NAALADL2: variants seen among roughly 807,000 people sequenced by gnomAD.
NAALADL2 encodes inactive N-acetylated-alpha-linked acidic dipeptidase-like protein 2.
A neutral mutation model predicts 87.2 loss-of-function variants in NAALADL2; 76 were observed. That is an observed-to-expected ratio of 0.87 (90% CI 0.72 to 1.05). The LOEUF is 1.05. NAALADL2 is among the 50% of genes least tolerant of loss of function. The pLI is 0.00. For synonymous variants in NAALADL2, 354 were observed against 331.0 expected (o/e 1.07, Z -0.75); for missense variants, 1,089 against 945.8 (o/e 1.15, Z -1.99).
chr3:175,282,911 C>CTTT (rs77457477), intron 4 of NAALADL2, among the ~76,000 whole-genome samples: 16 of 137,220 alleles, frequency 1.2e-4, no homozygotes, highest in African/African-American at 4.2e-4. Context: ...TTTCTGTCTT[C>CTTT]TTTTTTTTTT....
At chr3:174,890,666 T>C (rs1730755654) in intron 1 of NAALADL2, among the ~76,000 whole-genome samples, 1 of 152,148 alleles carries the variant, frequency 6.6e-6, no homozygotes, top group Admixed American at 6.5e-5. Context: ...CTAAGAAAAG[T>C]CCAAAAACAA....
At chr3:174,786,453 A>AG (rs1375264822) in intron 3 of NAALADL2, among the ~76,000 whole-genome samples, 32 of 83,378 alleles carry the variant, frequency 3.8e-4, no homozygotes, top group African/African-American at 1.6e-3. Context: ...CTGTCTCAAA[A>AG]AAAAAAAAAA....
At chr3:174,806,403 G>C (rs1719498677) in intron 3 of NAALADL2, among the ~76,000 whole-genome samples, 1 of 152,134 alleles carries the variant, frequency 6.6e-6, no homozygotes, top group South Asian at 2.1e-4. Flanking sequence ...AATGGATGTG[G>C]GAGACCCAAG....
chr3:175,705,470 C>A (rs1037136103), intron 11 of NAALADL2, among the ~76,000 whole-genome samples: 1 of 150,500 alleles, frequency 6.6e-6, no homozygotes, highest in East Asian at 2.0e-4. Context: ...AATTACCTCA[C>A]AAACAAGTAT....
chr3:175,349,775 T>A (rs1763551078), intron 5 of NAALADL2, among the ~76,000 whole-genome samples: 1 of 152,118 alleles, frequency 6.6e-6, no homozygotes, highest in Non-Finnish European at 1.5e-5. Context: ...TACCCCCGTT[T>A]TTAAAAACTA....
At chr3:175,276,103 A>T (rs1214648985) in intron 4 of NAALADL2, among the ~76,000 whole-genome samples, 4 of 150,772 alleles carry the variant, frequency 2.7e-5, no homozygotes, top group Non-Finnish European at 5.9e-5. Context: ...TTATTAAAAA[A>T]TTTCTATAAG....
intron 1 of NAALADL2, among the ~76,000 whole-genome samples, chr3:175,094,757 AGTGTGTGTGTGTGT>A (rs369083345): frequency 2.4e-5 from 3 of 125,968 alleles, no homozygotes; most frequent in Non-Finnish European, 5.4e-5. Context: ...CAGACACTAT[AGTGTGTGTGTGTGT>A]GTGTGTGTGT....
At chr3:175,408,054 A>G (rs375338962) in intron 5 of NAALADL2, among the ~76,000 whole-genome samples, 1 of 152,196 alleles carries the variant, frequency 6.6e-6, no homozygotes, top group Non-Finnish European at 1.5e-5. Flanking sequence ...TTATGAGTTC[A>G]TTATGGAATC....
At chr3:175,564,579 C>A (rs1289753697) in intron 9 of NAALADL2, among the ~76,000 whole-genome samples, 1 of 152,096 alleles carries the variant, frequency 6.6e-6, no homozygotes, top group African/African-American at 2.4e-5. Context: ...CTCAAGAAGG[C>A]TGGTGAAATA....
At chr3:174,557,185 G>A (rs937496476) in intron 2 of NAALADL2, among the ~76,000 whole-genome samples, 11 of 150,846 alleles carry the variant, frequency 7.3e-5, no homozygotes, top group Admixed American at 5.9e-4. Flanking sequence ...ATTCTGTTTC[G>A]GCCTTTTTAC....
At chr3:174,979,709 A>G (rs1256187804) in intron 1 of NAALADL2, among the ~76,000 whole-genome samples, 1 of 144,202 alleles carries the variant, frequency 6.9e-6, no homozygotes, top group Non-Finnish European at 1.5e-5. Flanking sequence ...TATTACCTAA[A>G]AAACAGAAAA....
At chr3:175,067,651 A>G (rs1268950006) in intron 1 of NAALADL2, among the ~76,000 whole-genome samples, 1 of 152,128 alleles carries the variant, frequency 6.6e-6, no homozygotes, top group East Asian at 1.9e-4. Flanking sequence ...TGGGAATGTA[A>G]ATTAGCTTAG....
chr3:175,544,094 A>T (rs1712860029), intron 9 of NAALADL2, among the ~76,000 whole-genome samples: 1 of 152,156 alleles, frequency 6.6e-6, no homozygotes, highest in Non-Finnish European at 1.5e-5. Context: ...GCTCGGATAA[A>T]GTTCAACAGT....
In NAALADL2 at chr3:174,710,098, C is replaced by T. The variant is rs543711179; in HGVS notation, c.-114-27543C>T. ...CTTAGTCCTCGGTGTATACTGTCTC[C>T]TAGTTAATTGGTTAAACTTGAATCT... is the stretch of plus-strand genomic sequence containing the variant. On this transcript the variant is annotated intron_variant, in intron 2 of 3. Coordinates refer to the NAALADL2 transcript ENST00000434257. Among the ~76,000 whole-genome samples, 4 of 152,178 alleles carry T rather than the reference C, an allele frequency of 2.6e-5. No homozygotes were observed. In the South Asian group the frequency reaches 8.3e-4, roughly 32 times the overall value.
intron 2 of NAALADL2, among the ~76,000 whole-genome samples, chr3:175,212,269 C>T (rs114813662): frequency 1.9e-3 from 282 of 151,806 alleles, no homozygotes; most frequent in Non-Finnish European, 3.1e-3. Context: ...AACATCTATA[C>T]ACTAGAGAAC....
chr3:174,844,976 C>T (rs1241570398), intron 3 of NAALADL2, among the ~76,000 whole-genome samples: 7 of 150,554 alleles, frequency 4.6e-5, no homozygotes, highest in Admixed American at 1.3e-4. Flanking sequence ...GGACTGCCCT[C>T]GGGCCAGGGG....
intron 3 of NAALADL2, among the ~76,000 whole-genome samples, chr3:174,765,023 A>G (rs1713589426): frequency 6.6e-6 from 1 of 152,044 alleles, no homozygotes; most frequent in Non-Finnish European, 1.5e-5. Context: ...CTGTGACAGC[A>G]TTAAAATAAT....
intron 2 of NAALADL2, among the ~76,000 whole-genome samples, chr3:175,180,151 A>T (rs1304598100): frequency 2.0e-5 from 3 of 151,956 alleles, no homozygotes; most frequent in Non-Finnish European, 4.4e-5. Flanking sequence ...ATTAGAGTAT[A>T]TTGATTTAGA....
intron 2 of NAALADL2, among the ~76,000 whole-genome samples, chr3:175,160,918 C>T (rs185791094): frequency 6.6e-4 from 100 of 151,670 alleles, no homozygotes; most frequent in African/African-American, 2.3e-3. Context: ...AGCTCTGTAT[C>T]AGTATATTTG....
Sources: allele counts gnomAD v4.1 joint callset (sites outside exome capture counted in the v4.1 genomes callset), GRCh38; gene constraint gnomAD v4.1.1; transcripts MANE v1.5; gene names NCBI Gene and HGNC (gene_info 2026-07-23, HGNC 2026-07-21).